TCEA3: variants seen among roughly 807,000 people sequenced by gnomAD.
TCEA3 encodes transcription elongation factor A3.
Under a neutral mutation model 44.0 loss-of-function variants are expected in TCEA3, and 36 were observed. The ratio of observed to expected loss-of-function variants is 0.82; its 90% confidence interval spans 0.63 to 1.08. The LOEUF is 1.08. Among genes scored for constraint, TCEA3 ranks in the 50% least tolerant of loss-of-function variants. TCEA3 has a pLI of 0.00. For missense variants in TCEA3, 392 were observed against 441.2 expected, an observed-to-expected ratio of 0.89 and a Z score of 1.00; for synonymous variants, 162 against 159.7, an observed-to-expected ratio of 1.01 and a Z score of -0.11.
chr1:23,397,785 CTCT>C lies in TCEA3; in HGVS notation c.607+4_607+6del, dbSNP rs766524750. The C allele has an allele frequency of 6.2e-7, 1 of 1,613,942 alleles. No homozygotes were observed. Among genetic ancestry groups the C allele is most frequent in the Admixed American group, 1.7e-5 (1 of 60,004 alleles). ...CCCTCCCTCATCCCTAGCCCAGGCT[CTCT>C]CACCGTCCGCCTTCAGGGCTGCTGA... On this transcript the variant is annotated splice_donor_5th_base_variant and intron_variant, in intron 6 of 10. Coordinates refer to ENST00000450454, the MANE Select transcript of TCEA3 (RefSeq NM_003196.3).
intron 5 of TCEA3, chr1:23,403,482 T>C (rs970489240): frequency 1.3e-5 from 2 of 152,256 alleles, no homozygotes; most frequent in Non-Finnish European, 2.9e-5. Flanking sequence ...ATGAGTATTA[T>C]TACAAAGTAT....
intron 5 of TCEA3, among the ~76,000 whole-genome samples, chr1:23,399,094 ACTAT>A (rs1468746078): frequency 6.9e-6 from 1 of 145,430 alleles, no homozygotes; most frequent in Admixed American, 7.0e-5. Flanking sequence ...TCTATGATGT[ACTAT>A]CTAAGAATTA....
At chr1:23,418,957 T>C in intron 2 of TCEA3, 120 bp downstream of exon 2, 1 of 475,412 alleles carries the variant, frequency 2.1e-6, no homozygotes. Flanking sequence ...CAAGATCCCC[T>C]CCCCACAGGC....
rs367850819 is a variant in TCEA3, at chr1:23,393,989, G to A, written c.709C>T (p.Arg237Cys). Reference protein sequence around the residue: ...LKSTDMKYRNRVRSRISNLKD... With the variant: ...LKSTDMKYRNCVRSRISNLKD... ...AGGTTGCTTATGCGGCTGCGCACGCGGTTCCGGTACTTCATGTCCGTGCTC... is the reference window on the plus strand; with the variant it reads ...AGGTTGCTTATGCGGCTGCGCACGCAGTTCCGGTACTTCATGTCCGTGCTC... The change falls in exon 8 of 11, where the codon CGC (arginine) becomes TGC (cysteine). Residue 237 changes from arginine (R) to cysteine (C), a missense_variant. Transcript: ENST00000450454. 1.3e-5 allele frequency: 21 copies of A among 1,614,024 alleles called. No homozygotes were observed. The highest frequency in any genetic ancestry group is 3.3e-5 in the South Asian group (3 of 91,088).
chr1:23,424,445 G>T, intron 1 of TCEA3, 120 bp downstream of exon 1: 1 of 851,972 alleles, frequency 1.2e-6, no homozygotes, highest in South Asian at 1.6e-5. Context: ...CTCCTCCCTC[G>T]GGTCCCCGAG....
At position 23,400,373 on chromosome 1, in the gene TCEA3, C is replaced by CTT. The variant is rs67325313; in HGVS notation, c.444-2420_444-2419dup. 4.2e-3 allele frequency among the ~76,000 whole-genome samples: 560 copies of CTT among 133,412 alleles called. 5 individuals are homozygous for CTT. Among genetic ancestry groups the CTT allele is most frequent in the Middle Eastern group, 0.019 (5 of 262 alleles). 87.5% of individuals were successfully genotyped at this position (133,412 alleles called of 152,430 possible). ...TACAGGCAGATGCCGCCACACCAGG[C>CTT]TTTTTTTTTTTTTTTGTAGAAATGG... is the stretch of plus-strand genomic sequence containing the variant. On this transcript the variant is annotated intron_variant, in intron 5 of 10. Coordinates refer to ENST00000450454, the MANE Select transcript of TCEA3 (RefSeq NM_003196.3).
At chr1:23,389,844 C>T (rs552425602) in intron 8 of TCEA3, among the ~76,000 whole-genome samples, 176 of 152,176 alleles carry the variant, frequency 1.2e-3, no homozygotes, top group African/African-American at 4.1e-3. Context: ...TATAACTGAA[C>T]GCAGAGTTGG....
At chr1:23,392,619 C>A (rs372019123) in intron 8 of TCEA3, among the ~76,000 whole-genome samples, 1 of 86,872 alleles carries the variant, frequency 1.2e-5, no homozygotes, top group Non-Finnish European at 2.5e-5. Context: ...TACACACACA[C>A]ACACACTCCA....
intron 5 of TCEA3, among the ~76,000 whole-genome samples, chr1:23,408,237 C>T (rs1281572708): frequency 1.3e-5 from 2 of 152,164 alleles, no homozygotes; most frequent in South Asian, 2.1e-4. Context: ...GCTGGGATTA[C>T]AGGCATGAGC....
chr1:23,394,027 T>C lies in TCEA3; in HGVS notation c.671A>G (p.Tyr224Cys). 6.2e-7 allele frequency: 1 copy of C among 1,613,994 alleles called. No individual in the cohort carries two copies. The highest frequency in any genetic ancestry group is 1.1e-5 in the South Asian group (1 of 91,090). ...KMASEIEDHI[Y>C]QELKSTDMKY... The stretch of plus-strand genomic sequence containing the variant: ...CATGTCCGTGCTCTTGAGCTCTTGG[T>C]AGATATGTGACACAGTCAAGGGCCG... Residue 224 changes from tyrosine to cysteine, a missense_variant, in exon 8 of 11, where the codon TAC becomes TGC. Coordinates refer to ENST00000450454, the MANE Select transcript of TCEA3 (RefSeq NM_003196.3).
At chr1:23,409,106 C>T (rs979211708) in intron 4 of TCEA3, among the ~76,000 whole-genome samples, 5 of 152,162 alleles carry the variant, frequency 3.3e-5, no homozygotes, top group Non-Finnish European at 7.4e-5. Context: ...CTGTACTCAT[C>T]TGGAACCAGA....
intron 5 of TCEA3, among the ~76,000 whole-genome samples, chr1:23,408,316 C>G (rs1269399988): frequency 2.0e-5 from 3 of 152,190 alleles, no homozygotes; most frequent in African/African-American, 7.2e-5. Flanking sequence ...GACCTTGAGA[C>G]TGGTCCCCTG....
intron 5 of TCEA3, among the ~76,000 whole-genome samples, chr1:23,405,856 G>C (rs1313459292): frequency 6.6e-6 from 1 of 152,206 alleles, no homozygotes; most frequent in African/African-American, 2.4e-5. Flanking sequence ...AATGTCATTA[G>C]TGACCAGTGT....
chr1:23,386,070 G>C (rs1553165665), intron 9 of TCEA3, among the ~76,000 whole-genome samples: 1 of 152,322 alleles, frequency 6.6e-6, no homozygotes, highest in South Asian at 2.1e-4. Flanking sequence ...GGGCAGACCA[G>C]AACACACTGA....
chr1:23,383,444 A>G lies in TCEA3; in HGVS notation c.1038+902T>C, dbSNP rs1402927251. The G allele has an allele frequency of 3.2e-6, 3 of 951,220 alleles. No individual in the cohort carries two copies. In the Admixed American group the frequency reaches 1.8e-4, roughly 59 times the overall value. 58.9% of individuals were successfully genotyped at this position (951,220 alleles called of 1,614,324 possible). A position where few individuals can be genotyped will look rare whatever the true frequency, so the allele number is the denominator to read the frequency against. Reference sequence around the variant, plus strand: ...AGGAACAATTCTTGTAGTTGTTTGCAAAGTGTTTATGCATACATGATAACC... The same window carrying G: ...AGGAACAATTCTTGTAGTTGTTTGCGAAGTGTTTATGCATACATGATAACC... On this transcript the variant is annotated intron_variant, in intron 10 of 10. Transcript: ENST00000450454.
chr1:23,394,276 G>C (rs139744869), intron 7 of TCEA3, among the ~76,000 whole-genome samples: 1 of 152,176 alleles, frequency 6.6e-6, no homozygotes, highest in Admixed American at 6.5e-5. Flanking sequence ...AAGCACTATA[G>C]TGTCAGGGAC....
chr1:23,401,251 C>A (rs946737855), intron 5 of TCEA3, among the ~76,000 whole-genome samples: 7 of 152,224 alleles, frequency 4.6e-5, no homozygotes, highest in Non-Finnish European at 7.3e-5. Context: ...TGCCTCCATG[C>A]ATACCGGTGA....
chr1:23,411,095 A>G (rs1207821784), intron 4 of TCEA3: 2 of 196,158 alleles, frequency 1.0e-5, no homozygotes, highest in Non-Finnish European at 2.2e-5. Flanking sequence ...GAATATCAGC[A>G]TTCTAGCCAG....
chr1:23,419,197 T>C, intron 1 of TCEA3, 58 bp from the exon 2 acceptor site: 1 of 1,350,856 alleles, frequency 7.4e-7, no homozygotes, highest in Non-Finnish European at 1.0e-6. Flanking sequence ...CTTCTCTGAC[T>C]ATTGTGTGGT....
Sources: allele counts gnomAD v4.1 joint callset (sites outside exome capture counted in the v4.1 genomes callset), GRCh38; gene constraint gnomAD v4.1.1; transcripts MANE v1.5; gene names NCBI Gene and HGNC (gene_info 2026-07-23, HGNC 2026-07-21).